Variants in CHD2 observed in about 807,000 individuals in gnomAD.
CHD2 encodes the protein chromodomain helicase DNA binding protein 2.
In CHD2, 28 loss-of-function variants were observed where a neutral mutation model predicts 243.9. The ratio of observed to expected loss-of-function variants is 0.11; its 90% confidence interval spans 0.09 to 0.16. CHD2 has a LOEUF of 0.16. Among genes scored for constraint, CHD2 ranks in the 10% least tolerant of loss-of-function variants. The pLI is 1.00. For synonymous variants in CHD2, 775 were observed against 779.0 expected (o/e 0.99, Z 0.09); for missense variants, 1,386 against 2,209.8 (o/e 0.63, Z 7.47).
chr15:92,988,410 A>G (rs543687904), intron 26 of CHD2, among the ~76,000 whole-genome samples: 2 of 152,262 alleles, frequency 1.3e-5, no homozygotes, highest in East Asian at 3.9e-4. Flanking sequence ...TTAAAATCAG[A>G]TAGAAGGAAA....
At position 92,997,066 on chromosome 15, in the gene CHD2, T is replaced by C. The variant is rs2054197585; in HGVS notation, c.3705T>C (p.Ser1235=). 1 of 1,613,418 alleles carries C rather than the reference T, an allele frequency of 6.2e-7. No individual in the cohort carries two copies. Among genetic ancestry groups the C allele is most frequent in the East Asian group, 2.2e-5 (1 of 44,858 alleles). The change falls in exon 29 of 39, where the codon TCT becomes TCC. Residue 1235 remains serine (S), a synonymous_variant. Transcript: ENST00000394196. This position sits in a 1 kb window ranked among gnomAD's most constrained non-coding sequence, Gnocchi z 4.1. ...AGGAGTTTGAGATGCTGCATAAATC[T>C]ATCCCTGTGGACCCTGAAGAAAAAA... is the stretch of plus-strand genomic sequence containing the variant. ...HEEEFEMLHK[S]IPVDPEEKKK...
chr15:92,962,501 G>A (rs979067988), intron 16 of CHD2, among the ~76,000 whole-genome samples: 2 of 151,690 alleles, frequency 1.3e-5, no homozygotes, highest in Non-Finnish European at 2.9e-5. Flanking sequence ...CTTATAATTC[G>A]GTTTTGTCTT....
Position 93,026,461 on chromosome 15 carries a change from G to C in CHD2, c.*1756G>C, listed in dbSNP as rs2054587472. 6.6e-6 allele frequency: 1 copy of C among 152,298 alleles called. No individual in the cohort carries two copies. The highest frequency in any genetic ancestry group is 2.4e-5 in the African/African-American group (1 of 41,450). 9.4% of individuals were successfully genotyped at this position (152,298 alleles called of 1,614,324 possible). The stretch of plus-strand genomic sequence containing the variant: ...GCTGGCCTGTGTGGTTTCCAGATGA[G>C]GGTCTGGGTCCCGGAAGCTTGTGTT... On this transcript the variant is annotated 3_prime_UTR_variant, in exon 39 of 39. Coordinates refer to ENST00000394196, the MANE Select transcript of CHD2 (RefSeq NM_001271.4).
chr15:92,932,289 CTT>C (rs34925592), intron 5 of CHD2, among the ~76,000 whole-genome samples: 13 of 139,838 alleles, frequency 9.3e-5, no homozygotes, highest in Non-Finnish European at 7.7e-5. Context: ...AGTTGCACAT[CTT>C]TTTTTTTTTT....
intron 22 of CHD2, among the ~76,000 whole-genome samples, chr15:92,979,721 T>C (rs1227509577): frequency 6.6e-6 from 1 of 151,918 alleles, no homozygotes; most frequent in Non-Finnish European, 1.5e-5. Flanking sequence ...TAATGAAGTT[T>C]TAATTGGCTT....
In CHD2 at chr15:92,985,486, G is replaced by C. The variant is rs1276545339; in HGVS notation, c.3238-12G>C. The C allele has an allele frequency of 1.2e-6, 2 of 1,601,674 alleles. No individual in the cohort carries two copies. The highest frequency in any genetic ancestry group is 3.4e-5 in the Admixed American group (2 of 58,840). On this transcript the variant is annotated splice_polypyrimidine_tract_variant and intron_variant, in intron 25 of 38. Coordinates refer to ENST00000394196, the MANE Select transcript of CHD2 (RefSeq NM_001271.4). ...ACTTGTTACAGTGTGACTTTGCCTC[G>C]ATCTTTCTCAGGCTCAGACAAATGA...
intron 26 of CHD2, among the ~76,000 whole-genome samples, chr15:92,989,279 G>A (rs543638712): frequency 3.5e-4 from 53 of 151,958 alleles, no homozygotes; most frequent in Non-Finnish European, 5.1e-4. Context: ...TGATCCACCC[G>A]CCTCGGCCTC....
At chr15:92,917,329 C>T (rs565987072) in intron 2 of CHD2, among the ~76,000 whole-genome samples, 4 of 152,098 alleles carry the variant, frequency 2.6e-5, no homozygotes, top group South Asian at 2.1e-4. Flanking sequence ...GAGGCCAAGG[C>T]GGGCAGATTA....
intron 2 of CHD2, chr15:92,904,736 G>A: frequency 7.1e-7 from 1 of 1,400,136 alleles, no homozygotes; most frequent in Admixed American, 3.1e-5. Flanking sequence ...AATTTGCCCA[G>A]TTTTACATTT....
intron 27 of CHD2, among the ~76,000 whole-genome samples, chr15:92,992,549 ACCTGCTG>A (rs1403259046): frequency 6.6e-6 from 1 of 152,162 alleles, no homozygotes; most frequent in Non-Finnish European, 1.5e-5. Flanking sequence ...CAGGCACTTC[ACCTGCTG>A]CCACTAACAG....
chr15:92,983,620 A>G lies in CHD2; in HGVS notation c.3067-710A>G, dbSNP rs367787817. Among the ~76,000 whole-genome samples the G allele has an allele frequency of 2.3e-3, 353 of 151,530 alleles. 2 individuals carry two copies. The highest frequency in any genetic ancestry group is 8.4e-3 in the African/African-American group (345 of 41,260). ...CCAGAGGTGGTAGATGTTTCTGTGT[A>G]CTCCTCCTCTGGTTCTTTGAAATGG... On this transcript the variant is annotated intron_variant, in intron 24 of 38. Transcript: ENST00000394196.
At chr15:93,016,103 TCCTAAGTGC>T (rs1260135134) in intron 37 of CHD2, among the ~76,000 whole-genome samples, 2 of 152,218 alleles carry the variant, frequency 1.3e-5, no homozygotes, top group African/African-American at 4.8e-5. Context: ...TACGTAATCA[TCCTAAGTGC>T]CCATCAGCAG....
chr15:92,904,506 ACTCT>A, intron 2 of CHD2: 1 of 990,778 alleles, frequency 1.0e-6, no homozygotes, highest in Non-Finnish European at 1.2e-6. Context: ...AAGGAAGGGA[ACTCT>A]AGTTGGGACT....
At chr15:92,964,673 C>T (rs2053733492) in intron 16 of CHD2, among the ~76,000 whole-genome samples, 1 of 152,144 alleles carries the variant, frequency 6.6e-6, no homozygotes. Context: ...ACATGACTAA[C>T]CATATTGGGA....
At chr15:92,902,290 A>T (rs1201902589) in intron 2 of CHD2, 1 of 397,226 alleles carries the variant, frequency 2.5e-6, no homozygotes, top group Non-Finnish European at 4.4e-6. Flanking sequence ...AGCCTCTAAG[A>T]TGTTTTTGTT....
chr15:92,991,435 GTC>G (rs768418748), intron 26 of CHD2, 39 bp from the exon 27 acceptor site: 5 of 1,444,888 alleles, frequency 3.5e-6, no homozygotes, highest in African/African-American at 2.8e-5. Flanking sequence ...ACTAAAGTAA[GTC>G]TCTGTTTTTT....
intron 21 of CHD2, among the ~76,000 whole-genome samples, 192 bp from the exon 22 acceptor site, chr15:92,978,943 C>T (rs998559254): frequency 6.6e-6 from 1 of 152,180 alleles, no homozygotes; most frequent in East Asian, 1.9e-4. Flanking sequence ...AGACTGTAAC[C>T]TGCTGCACAT....
chr15:93,009,871 C>T (rs1357565871), intron 35 of CHD2, among the ~76,000 whole-genome samples: 2 of 152,140 alleles, frequency 1.3e-5, no homozygotes, highest in South Asian at 2.1e-4. Flanking sequence ...CTTTATATAG[C>T]CACTGAAACT....
intron 2 of CHD2, among the ~76,000 whole-genome samples, chr15:92,909,702 C>CT (rs910694534): frequency 6.6e-6 from 1 of 152,028 alleles, no homozygotes. Flanking sequence ...CCCCACCTGT[C>CT]TAATTTTTGT....
Sources: gnomAD v4.1 joint callset for allele counts (sites outside exome capture counted in the v4.1 genomes callset) on GRCh38, gnomAD v4.1.1 for gene constraint, Gnocchi (gnomAD v3.1) non-coding constraint, MANE v1.5 for transcripts, NCBI Gene and HGNC (gene_info 2026-07-23, HGNC 2026-07-21) for gene names.